Variants in CFAP57 observed in about 807,000 individuals in gnomAD.
The protein encoded by CFAP57 is cilia- and flagella-associated protein 57.
A neutral mutation model predicts 146.8 loss-of-function variants in CFAP57; 116 were observed. That is an observed-to-expected ratio of 0.79 (90% confidence interval 0.68 to 0.92). CFAP57 has a LOEUF of 0.92. CFAP57 is among the 40% of genes least tolerant of loss of function. The probability of loss-of-function intolerance (pLI) is 0.00; values close to 1 mark genes in which losing one functional copy is unlikely to be tolerated. For synonymous variants in CFAP57, 518 were observed against 552.8 expected, an observed-to-expected ratio of 0.94 and a Z score of 0.88; for missense variants, 1,377 against 1,527.2, an observed-to-expected ratio of 0.90 and a Z score of 1.64.
At chr1:43,235,865 C>T (rs72891692) in intron 21 of CFAP57, among the ~76,000 whole-genome samples, 2,291 of 152,280 alleles carry the variant, frequency 0.015, 54 homozygotes, top group African/African-American at 0.051. Flanking sequence ...ACCCTCTGTG[C>T]CCTGTCACCA....
chr1:43,228,818 C>CT (rs1645356714), intron 18 of CFAP57, among the ~76,000 whole-genome samples: 2 of 149,160 alleles, frequency 1.3e-5, no homozygotes, highest in African/African-American at 5.0e-5. Flanking sequence ...GCTGGAAAGT[C>CT]TAAGACCAAG....
chr1:43,234,741 G>T, intron 21 of CFAP57, 103 bp downstream of exon 21: 1 of 1,362,952 alleles, frequency 7.3e-7, no homozygotes, highest in South Asian at 1.6e-5. Flanking sequence ...GGCTCCCCAG[G>T]TGTCTGGGGG....
chr1:43,217,082 G>A (rs189729326), intron 12 of CFAP57, among the ~76,000 whole-genome samples: 1 of 152,344 alleles, frequency 6.6e-6, no homozygotes, highest in African/African-American at 2.4e-5. Flanking sequence ...AAATGGACAA[G>A]GGCCAGTGAG....
intron 5 of CFAP57, 137 bp downstream of exon 5, chr1:43,185,493 G>C (rs556057788): frequency 3.8e-6 from 3 of 797,910 alleles, no homozygotes. Context: ...ATGGTGACTC[G>C]AGATGTCTGT....
intron 11 of CFAP57, chr1:43,210,304 G>A: frequency 7.0e-7 from 1 of 1,424,116 alleles, no homozygotes; most frequent in Non-Finnish European, 9.1e-7. Context: ...ACCTCTCCCT[G>A]AGGGTACAAA....
chr1:43,185,039 A>C (rs1332900777), intron 4 of CFAP57, 110 bp from the exon 5 acceptor site: 2 of 1,181,268 alleles, frequency 1.7e-6, no homozygotes, highest in Non-Finnish European at 2.5e-6. Flanking sequence ...AAAGGGGATC[A>C]TTGGGTGGTT....
chr1:43,221,363 C>T lies in CFAP57; in HGVS notation c.2248-9C>T. 1 of 1,532,594 alleles carries T rather than the reference C, an allele frequency of 6.5e-7. No individual in the cohort carries two copies. Among genetic ancestry groups the T allele is most frequent in the Non-Finnish European group, 8.8e-7 (1 of 1,137,390 alleles). The allele number at this position is 1,532,594 out of a possible 1,614,324, so 94.9% of individuals were successfully genotyped here. On this transcript the variant is annotated splice_polypyrimidine_tract_variant and intron_variant, in intron 13 of 22. Transcript: ENST00000372492. ...TGTGTGTAAATGAGGAAATGTGACT[C>T]TGTTTTAGGTCTTAAGAACAGAAAA...
At chr1:43,244,729 C>T (rs1390426442) in intron 22 of CFAP57, among the ~76,000 whole-genome samples, 1 of 151,718 alleles carries the variant, frequency 6.6e-6, no homozygotes, top group African/African-American at 2.4e-5. Context: ...ACTGTGAAAC[C>T]CCGTCTCTAC....
intron 21 of CFAP57, among the ~76,000 whole-genome samples, chr1:43,242,734 CT>C: frequency 6.6e-6 from 1 of 152,256 alleles, no homozygotes; most frequent in Admixed American, 6.5e-5. Context: ...AATCCTGACT[CT>C]ACCACTTGCT....
chr1:43,243,404 G>T, intron 22 of CFAP57, 45 bp downstream of exon 22: 2 of 1,456,570 alleles, frequency 1.4e-6, no homozygotes, highest in Admixed American at 5.0e-5. Context: ...GGGACGAAGG[G>T]ATTGATGGCA....
At chr1:43,206,485 C>T (rs748455292) in intron 9 of CFAP57, 5 of 554,238 alleles carry the variant, frequency 9.0e-6, no homozygotes, top group African/African-American at 1.9e-5. Context: ...TCAGTCTTTA[C>T]GTTCATAAAG....
chr1:43,172,347 G>C lies in CFAP57; in HGVS notation c.-126G>C, dbSNP rs1299692857. 3.2e-6 allele frequency: 5 copies of C among 1,551,648 alleles called. No homozygotes were observed. The highest frequency in any genetic ancestry group is 1.7e-4 in the Middle Eastern group (1 of 5,992). ...CAAACCATACTTCCGGTTTGTCGTTGCTATAGGAACCGCTACGGCGTTTGA... is the reference window on the plus strand; with the variant it reads ...CAAACCATACTTCCGGTTTGTCGTTCCTATAGGAACCGCTACGGCGTTTGA... On this transcript the variant is annotated 5_prime_UTR_variant, in exon 1 of 23. Transcript: ENST00000372492.
chr1:43,221,339 G>A, intron 13 of CFAP57, 33 bp from the exon 14 acceptor site: 2 of 1,473,436 alleles, frequency 1.4e-6, no homozygotes, highest in Non-Finnish European at 9.1e-7. Flanking sequence ...TTCAGCAGAT[G>A]TGTGTAAATG....
At chr1:43,198,768 TA>T in intron 8 of CFAP57, 122 bp downstream of exon 8, 14 of 1,000,236 alleles carry the variant, frequency 1.4e-5, no homozygotes, top group Non-Finnish European at 1.8e-5. Context: ...TACAGTGGCT[TA>T]AAAAAAGGGG....
At chr1:43,243,448 T>C in intron 22 of CFAP57, 89 bp downstream of exon 22, 1 of 1,373,070 alleles carries the variant, frequency 7.3e-7, no homozygotes, top group East Asian at 2.7e-5. Context: ...CTTCCTTCTG[T>C]ATCAGGTCCC....
At position 43,172,415 on chromosome 1, in the gene CFAP57, G is replaced by T; in HGVS notation, c.-58G>T. On this transcript the variant is annotated 5_prime_UTR_variant, in exon 1 of 23. Coordinates refer to ENST00000372492, the MANE Select transcript of CFAP57 (RefSeq NM_001378189.1). The stretch of plus-strand genomic sequence containing the variant: ...AGGATCCCTACAGGTAGCGCCTCTG[G>T]ATACATGCGTGGTCTGCTGACCCAG... 1 of 1,551,360 alleles carries T rather than the reference G, an allele frequency of 6.4e-7. No individual in the cohort carries two copies.
At chr1:43,234,444 T>G in intron 20 of CFAP57, 31 bp downstream of exon 20, 1 of 1,543,444 alleles carries the variant, frequency 6.5e-7, no homozygotes, top group South Asian at 1.2e-5. Flanking sequence ...TGCCATGCAC[T>G]GACCTCCGGG....
At chr1:43,179,162 A>G (rs1645288825) in intron 2 of CFAP57, among the ~76,000 whole-genome samples, 1 of 152,188 alleles carries the variant, frequency 6.6e-6, no homozygotes, top group African/African-American at 2.4e-5. Context: ...GAGGGATAGC[A>G]TTAGGAGATA....
chr1:43,192,489 G>A (rs1327404401), intron 6 of CFAP57, among the ~76,000 whole-genome samples: 1 of 152,218 alleles, frequency 6.6e-6, no homozygotes, highest in African/African-American at 2.4e-5. Flanking sequence ...CAGGCGTGGT[G>A]GCGCATGCCT....
Sources: gnomAD v4.1 joint callset for allele counts (sites outside exome capture counted in the v4.1 genomes callset) on GRCh38, gnomAD v4.1.1 for gene constraint, MANE v1.5 for transcripts, NCBI Gene and HGNC (gene_info 2026-07-23, HGNC 2026-07-21) for gene names.